Variants in CDK13 observed in about 807,000 individuals in gnomAD.
The protein encoded by CDK13 is cyclin-dependent kinase 13.
In CDK13, 40 loss-of-function variants were observed where a neutral mutation model predicts 137.6. That is an observed-to-expected ratio of 0.29 (90% confidence interval 0.23 to 0.38). CDK13 has a LOEUF of 0.38. CDK13 is among the 10% of genes least tolerant of loss of function. The pLI is 1.00. For missense variants in CDK13, 1,704 were observed against 1,951.8 expected (o/e 0.87, Z 2.39); for synonymous variants, 869 against 760.1 (o/e 1.14, Z -2.36).
At chr7:40,087,381 A>G (rs1361749773) in intron 11 of CDK13, among the ~76,000 whole-genome samples, 1 of 151,692 alleles carries the variant, frequency 6.6e-6, no homozygotes, top group Admixed American at 6.6e-5. Flanking sequence ...GGGCTCAAGC[A>G]ATCCTCCCGT....
chr7:40,049,534 A>G (rs921551683), intron 7 of CDK13, among the ~76,000 whole-genome samples: 4 of 152,046 alleles, frequency 2.6e-5, no homozygotes, highest in African/African-American at 9.7e-5. Flanking sequence ...AAATATGTAT[A>G]CATTGTGAAA....
chr7:40,000,479 G>T (rs998521250), intron 4 of CDK13, among the ~76,000 whole-genome samples: 11 of 152,178 alleles, frequency 7.2e-5, no homozygotes, highest in Non-Finnish European at 1.5e-4. Flanking sequence ...GGAGGTGGAG[G>T]TTGCAGTGAG....
rs997127951 is a variant in CDK13 at position 40,095,937 on chromosome 7, T to C, written c.*957T>C. 1 of 152,166 alleles carries C rather than the reference T, an allele frequency of 6.6e-6. No individual in the cohort carries two copies. The highest frequency in any genetic ancestry group is 2.4e-5 in the African/African-American group (1 of 41,440). The allele number at this position is 152,166 out of a possible 1,614,324, so 9.4% of individuals were successfully genotyped here. A position where few individuals can be genotyped will look rare whatever the true frequency, so the allele number is the denominator to read the frequency against. ...GGAGTAGAACTGCAATCAGTACATA[T>C]TGTTTGAGAAGTTCTACAAAGTTTT... On this transcript the variant is annotated 3_prime_UTR_variant, in exon 14 of 14. Coordinates refer to ENST00000181839, the MANE Select transcript of CDK13 (RefSeq NM_003718.5).
intron 5 of CDK13, among the ~76,000 whole-genome samples, chr7:40,045,082 G>A (rs1288701728): frequency 6.6e-6 from 1 of 151,990 alleles, no homozygotes; most frequent in African/African-American, 2.4e-5. Flanking sequence ...TTAAAAATTA[G>A]GAACTTATCT....
At chr7:40,016,283 G>A (rs1283132492) in intron 5 of CDK13, among the ~76,000 whole-genome samples, 3 of 152,130 alleles carry the variant, frequency 2.0e-5, no homozygotes, top group Admixed American at 1.3e-4. Flanking sequence ...TGTCAACGTG[G>A]GCAAATTATT....
At position 40,086,668 on chromosome 7, in the gene CDK13, C is replaced by T. The variant is rs78164922; in HGVS notation, c.3030-1458C>T. ...GCAACTCTGTTGATAAATGATGAGC[C>T]GCTCTATGCCAGGATTACCTATTTT... On this transcript the variant is annotated intron_variant, in intron 11 of 13. Transcript: ENST00000181839. Among the ~76,000 whole-genome samples the T allele has an allele frequency of 5.8e-4, 89 of 152,194 alleles. No individual in the cohort carries two copies. The East Asian group carries it at 0.013, about 21-fold the overall frequency.
intron 5 of CDK13, among the ~76,000 whole-genome samples, chr7:40,010,078 G>A (rs1358913436): frequency 2.6e-5 from 4 of 151,998 alleles, no homozygotes; most frequent in African/African-American, 9.7e-5. Context: ...GGTGATTCAA[G>A]CACGTTAGAT....
In CDK13 at chr7:39,976,333, A is replaced by T. The variant is rs1222721932; in HGVS notation, c.1212-11266A>T. On this transcript the variant is annotated intron_variant, in intron 1 of 13. Transcript: ENST00000181839. ...CTCTCTCTCTCTCTCTCACACACAC[A>T]CACACACACACACACACACACACAC... 8.1e-3 allele frequency among the ~76,000 whole-genome samples: 694 copies of T among 85,944 alleles called. 8 individuals carry two copies. The East Asian group carries it at 0.12, about 15-fold the overall frequency. 56.4% of individuals were successfully genotyped at this position (85,944 alleles called of 152,430 possible). A position where few individuals can be genotyped will look rare whatever the true frequency, so the allele number is the denominator to read the frequency against.
intron 9 of CDK13, chr7:40,067,032 CATCT>C (rs1238209599): frequency 6.6e-6 from 1 of 151,678 alleles, no homozygotes; most frequent in African/African-American, 2.4e-5. Flanking sequence ...AGATAGTTAA[CATCT>C]ATTTAGTTCA....
intron 2 of CDK13, among the ~76,000 whole-genome samples, chr7:39,995,834 C>A (rs974528910): frequency 6.6e-6 from 1 of 152,068 alleles, no homozygotes; most frequent in Non-Finnish European, 1.5e-5. Context: ...ATGGTGAAAC[C>A]CCATCTCTAC....
chr7:40,040,968 G>A (rs1785592604), intron 5 of CDK13, among the ~76,000 whole-genome samples: 1 of 152,108 alleles, frequency 6.6e-6, no homozygotes, highest in Non-Finnish European at 1.5e-5. Flanking sequence ...TAGAATGTGA[G>A]CCATTGCATT....
chr7:39,995,634 C>T (rs1268435388), intron 2 of CDK13, among the ~76,000 whole-genome samples: 1 of 152,166 alleles, frequency 6.6e-6, no homozygotes, highest in Non-Finnish European at 1.5e-5. Flanking sequence ...ATACCTAGCA[C>T]ATGGAAGCTC....
intron 3 of CDK13, 128 bp from the exon 4 acceptor site, chr7:39,999,233 T>C: frequency 1.5e-6 from 1 of 662,510 alleles, no homozygotes; most frequent in Non-Finnish European, 2.4e-6. Flanking sequence ...GGATAGATGA[T>C]GATAAATACT....
chr7:40,094,397 G>A lies in CDK13; in HGVS notation c.3956G>A (p.Gly1319Asp). Reference protein sequence around the residue: ...HQPQDDPKREGGIDYQAGDTY... With the variant: ...HQPQDDPKREDGIDYQAGDTY... The stretch of plus-strand genomic sequence containing the variant: ...CCCCAGGATGACCCCAAAAGAGAAG[G>A]TGGGATTGATTATCAAGCAGGAGAC... Residue 1319 changes from glycine to aspartate, a missense_variant, in exon 14 of 14, where the codon GGT becomes GAT. Coordinates refer to ENST00000181839, the MANE Select transcript of CDK13 (RefSeq NM_003718.5). 6.2e-7 allele frequency: 1 copy of A among 1,614,064 alleles called. No homozygotes were observed. Among genetic ancestry groups the A allele is most frequent in the Non-Finnish European group, 8.5e-7 (1 of 1,180,018 alleles).
intron 5 of CDK13, among the ~76,000 whole-genome samples, chr7:40,021,057 C>T (rs1041172160): frequency 2.0e-5 from 3 of 150,264 alleles, no homozygotes; most frequent in Non-Finnish European, 3.0e-5. Context: ...CGCCACTGCA[C>T]TCCAGCCTGG....
At chr7:40,089,512 TGTCA>T (rs1158784580) in intron 12 of CDK13, among the ~76,000 whole-genome samples, 1 of 152,098 alleles carries the variant, frequency 6.6e-6, no homozygotes, top group Non-Finnish European at 1.5e-5. Flanking sequence ...TGACTCAGTC[TGTCA>T]TAGAGTAAGC....
intron 9 of CDK13, among the ~76,000 whole-genome samples, chr7:40,063,799 G>A (rs1285604075): frequency 1.3e-5 from 2 of 151,460 alleles, no homozygotes; most frequent in South Asian, 4.2e-4. Flanking sequence ...CTCAGATTAC[G>A]GGTGCCCACC....
intron 3 of CDK13, chr7:39,998,033 T>C (rs1172948163): frequency 2.3e-5 from 4 of 172,300 alleles, no homozygotes; most frequent in Non-Finnish European, 4.9e-5. Flanking sequence ...TGCTGTTTCC[T>C]TTGCTTTTAG....
chr7:39,969,922 C>T (rs986446968), intron 1 of CDK13, among the ~76,000 whole-genome samples: 1 of 151,928 alleles, frequency 6.6e-6, no homozygotes, highest in Non-Finnish European at 1.5e-5. Flanking sequence ...AACGTTTTTT[C>T]CTCAGTCTGT....
Sources: allele counts gnomAD v4.1 joint callset (sites outside exome capture counted in the v4.1 genomes callset), GRCh38; gene constraint gnomAD v4.1.1; transcripts MANE v1.5; gene names NCBI Gene and HGNC (gene_info 2026-07-23, HGNC 2026-07-21).